Variants in ASB14 observed in about 807,000 individuals in gnomAD.
The protein encoded by ASB14 is ankyrin repeat and SOCS box protein 14.
In ASB14, 63 loss-of-function variants were observed where a neutral mutation model predicts 55.6. The ratio of observed to expected loss-of-function variants is 1.13; its 90% CI spans 0.92 to 1.40. ASB14 has a LOEUF of 1.40. Among genes scored for constraint, ASB14 ranks in the 40% most tolerant of loss-of-function variants. The probability of loss-of-function intolerance (pLI) is 0.00; values close to 1 mark genes in which losing one functional copy is unlikely to be tolerated. For synonymous variants in ASB14, 256 were observed against 259.9 expected (o/e 0.98, Z 0.15); for missense variants, 724 against 710.4 (o/e 1.02, Z -0.22).
At chr3:57,275,955 T>C (rs560768976) in intron 10 of ASB14, among the ~76,000 whole-genome samples, 1 of 152,316 alleles carries the variant, frequency 6.6e-6, no homozygotes, top group South Asian at 2.1e-4. Flanking sequence ...GATACGTAAC[T>C]GTAGGAAAAA....
chr3:57,271,274 G>T (rs1416506759), intron 10 of ASB14: 5 of 152,422 alleles, frequency 3.3e-5, no homozygotes, highest in Non-Finnish European at 5.9e-5. Context: ...TGATATATAG[G>T]ATCATGATAT....
intron 5 of ASB14, among the ~76,000 whole-genome samples, chr3:57,287,334 A>C (rs1195141708): frequency 6.6e-6 from 1 of 152,112 alleles, no homozygotes; most frequent in Admixed American, 6.5e-5. Context: ...ATTCCTCCAG[A>C]GAACCCCCGG....
intron 9 of ASB14, 103 bp from the exon 10 acceptor site, chr3:57,276,831 C>T: frequency 1.3e-5 from 14 of 1,093,602 alleles, no homozygotes; most frequent in Non-Finnish European, 1.8e-5. Context: ...TTTGCTGTTA[C>T]TAAATGGCAA....
intron 7 of ASB14, among the ~76,000 whole-genome samples, chr3:57,279,942 C>A (rs1306079821): frequency 1.3e-5 from 2 of 151,982 alleles, no homozygotes; most frequent in Non-Finnish European, 2.9e-5. Flanking sequence ...TAATTACTCA[C>A]ACGATGTGCT....
chr3:57,290,201 AC>A lies in ASB14; in HGVS notation c.123-1079del, dbSNP rs141306825. Among the ~76,000 whole-genome samples the A allele has an allele frequency of 8.5e-3, 1,298 of 152,312 alleles. 12 individuals are homozygous for A. Among genetic ancestry groups the A allele is most frequent in the African/African-American group, 0.03 (1,237 of 41,570 alleles). On this transcript the variant is annotated intron_variant, in intron 2 of 10. Transcript: ENST00000487349. ...AGAAATCCAAAACAGTCCTCACCGG[AC>A]TGAAATCAAGATGTCAGCAGGGCTC... is the stretch of plus-strand genomic sequence containing the variant.
chr3:57,280,255 T>C, intron 7 of ASB14, 47 bp downstream of exon 7: 2 of 1,246,132 alleles, frequency 1.6e-6, no homozygotes, highest in East Asian at 2.7e-5. Flanking sequence ...AAATAAAAGG[T>C]AGCTATTACT....
chr3:57,284,136 A>AGTGTG (rs1579432141), intron 5 of ASB14, among the ~76,000 whole-genome samples: 1 of 56,638 alleles, frequency 1.8e-5, no homozygotes, highest in African/African-American at 7.1e-5. Context: ...ATGTATGTAA[A>AGTGTG]TATATATATA....
intron 10 of ASB14, chr3:57,272,156 A>G (rs983092426): frequency 6.6e-6 from 1 of 152,222 alleles, no homozygotes; most frequent in Non-Finnish European, 1.5e-5. Flanking sequence ...AAAAGATATT[A>G]AGCCTGCCTA....
At chr3:57,275,451 CAAAAAAAAA>C (rs11323278) in intron 10 of ASB14, among the ~76,000 whole-genome samples, 2 of 114,476 alleles carry the variant, frequency 1.7e-5, no homozygotes. Flanking sequence ...GACTCCATCT[CAAAAAAAAA>C]AAAAAAAAAG....
rs1354591140 is a variant in ASB14, at chr3:57,283,334, T to A, written c.575A>T (p.Lys192Ile). 6.4e-7 allele frequency: 1 copy of A among 1,551,810 alleles called. No homozygotes were observed. The highest frequency in any genetic ancestry group is 2.4e-5 in the East Asian group (1 of 40,918). The change falls in exon 6 of 11, where the codon AAA becomes ATA. Residue 192 changes from lysine to isoleucine, a missense_variant. Transcript: ENST00000487349. ...NERTALHEAA[K>I]LGREDMVKLM... ...CTTCACCATGTCCTCTCTGCCCAGT[T>A]TGGCTGCTTCGTGGAGAGCTGTCCT...
At chr3:57,275,320 T>G (rs999491904) in intron 10 of ASB14, among the ~76,000 whole-genome samples, 1 of 151,802 alleles carries the variant, frequency 6.6e-6, no homozygotes, top group African/African-American at 2.4e-5. Flanking sequence ...GGCATGGTGG[T>G]GTACACCTGT....
At chr3:57,290,394 C>A (rs1291759574) in intron 2 of ASB14, among the ~76,000 whole-genome samples, 1 of 152,152 alleles carries the variant, frequency 6.6e-6, no homozygotes, top group Non-Finnish European at 1.5e-5. Context: ...CTCCTGGCTC[C>A]CCCTCTTTCA....
rs2060911356 is a variant in ASB14 at position 57,268,548 on chromosome 3, T to C, written c.*1093A>G. The C allele has an allele frequency of 1.6e-5, 23 of 1,480,492 alleles. No homozygotes were observed. In the South Asian group the frequency reaches 3.5e-4, roughly 23 times the overall value. 91.7% of individuals were successfully genotyped at this position (1,480,492 alleles called of 1,614,324 possible). A position where few individuals can be genotyped will look rare whatever the true frequency, so the allele number is the denominator to read the frequency against. ...TTTGTGAAGACTTAATTCAGCACTATGACTTTCAGATTTGAATTTCCAAAT... is the reference window on the plus strand; with the variant it reads ...TTTGTGAAGACTTAATTCAGCACTACGACTTTCAGATTTGAATTTCCAAAT... On this transcript the variant is annotated 3_prime_UTR_variant, in exon 11 of 11. Transcript: ENST00000487349.
At chr3:57,288,904 CAGG>C (rs1348654539) in intron 3 of ASB14, 161 bp downstream of exon 3, 2 of 480,804 alleles carry the variant, frequency 4.2e-6, no homozygotes, top group African/African-American at 2.0e-5. Context: ...TTAGTAGAGA[CAGG>C]GGGTTTCACC....
At chr3:57,273,085 A>ATATT (rs1461980071) in intron 10 of ASB14, 3 of 152,628 alleles carry the variant, frequency 2.0e-5, no homozygotes, top group Non-Finnish European at 4.4e-5. Context: ...AACTGGAACT[A>ATATT]TATTATACTT....
Position 57,288,230 on chromosome 3 carries a change from C to T in ASB14, c.235G>A (p.Asp79Asn). The stretch of plus-strand genomic sequence containing the variant: ...TGCAGAGGAATCCAGCCTATCTCAT[C>T]TGCTTCACCAAATGCGGAATGGTAC... ...TKYHSAFGEADEIGWIPLHKA... is the reference protein window; with the variant it reads ...TKYHSAFGEANEIGWIPLHKA... Residue 79 changes from aspartate to asparagine, a missense_variant, in exon 4 of 11, where the codon GAT becomes AAT. By Grantham distance (23) the Asp-to-Asn change is conservative (BLOSUM62 1). Coordinates refer to ENST00000487349, the MANE Select transcript of ASB14 (RefSeq NM_001142733.3). The T allele has an allele frequency of 6.5e-7, 1 of 1,536,880 alleles. No homozygotes were observed. Among genetic ancestry groups the T allele is most frequent in the Non-Finnish European group, 8.7e-7 (1 of 1,146,426 alleles).
At chr3:57,273,277 G>A (rs140757143) in intron 10 of ASB14, 1 of 152,684 alleles carries the variant, frequency 6.5e-6, no homozygotes, top group Non-Finnish European at 1.5e-5. Context: ...ATCATGCAAT[G>A]TTTCACTTTA....
chr3:57,291,232 T>TA (rs146980646), intron 2 of ASB14, among the ~76,000 whole-genome samples: 8,609 of 152,306 alleles, frequency 0.057, 359 homozygotes, highest in Non-Finnish European at 0.092. Flanking sequence ...AAAAGACATT[T>TA]TTCTAGTTTT....
chr3:57,281,122 C>T (rs2061037730), intron 6 of ASB14, among the ~76,000 whole-genome samples: 1 of 152,144 alleles, frequency 6.6e-6, no homozygotes, highest in African/African-American at 2.4e-5. Context: ...AGTCCCAAAT[C>T]CAGAAATCCG....
Sources: gnomAD v4.1 joint callset for allele counts (sites outside exome capture counted in the v4.1 genomes callset) on GRCh38, gnomAD v4.1.1 for gene constraint, MANE v1.5 for transcripts, NCBI Gene and HGNC (gene_info 2026-07-23, HGNC 2026-07-21) for gene names.